NXPE4: variants seen among roughly 807,000 people sequenced by gnomAD.
NXPE4 encodes neurexophilin and PC-esterase domain family member 4, also known as NXPE family member 4.
Under a neutral mutation model 33.3 loss-of-function variants are expected in NXPE4, and 42 were observed. The ratio of observed to expected loss-of-function variants is 1.26; its 90% CI spans 0.98 to 1.63. NXPE4 has a LOEUF of 1.63. Among genes scored for constraint, NXPE4 ranks in the 40% most tolerant of loss-of-function variants. NXPE4 has a pLI of 0.00. For missense variants in NXPE4, 709 were observed against 647.6 expected (o/e 1.09, Z -1.03); for synonymous variants, 253 against 234.9 (o/e 1.08, Z -0.71).
chr11:114,656,335 G>A, the NXPE4 span, among the ~76,000 whole-genome samples: 14 of 152,188 alleles, frequency 9.2e-5, no homozygotes, highest in African/African-American at 3.1e-4. Flanking sequence ...AATCAATATC[G>A]TGAAAATGAC....
chr11:114,594,747 T>C lies in NXPE4; in HGVS notation c.13A>G (p.Met5Val). 10 of 1,550,872 alleles carry C rather than the reference T, an allele frequency of 6.4e-6. No homozygotes were observed. ...GCCAATAGTGACTTATAATTTATCA[T>C]ACTTATTTTCATGATTAGGATCCTA... MKIS[M>V]INYKSLLALL... The change falls in exon 2 of 6, where the codon ATG (methionine) becomes GTG (valine). Residue 5 changes from methionine (M) to valine (V), a missense_variant. Met to Val is a conservative substitution (Grantham distance 21, BLOSUM62 1). Coordinates refer to ENST00000375478, the MANE Select transcript of NXPE4 (RefSeq NM_001077639.2).
At chr11:114,605,279 G>T in the NXPE4 span, among the ~76,000 whole-genome samples, 1 of 151,284 alleles carries the variant, frequency 6.6e-6, no homozygotes, top group Non-Finnish European at 1.5e-5. Context: ...ACTGTTACCT[G>T]GTGGATAATA....
the NXPE4 span, among the ~76,000 whole-genome samples, chr11:114,677,239 T>G: frequency 6.6e-6 from 1 of 152,060 alleles, no homozygotes; most frequent in Admixed American, 6.6e-5. Context: ...CTTTATTGCA[T>G]ACTTGAAAAT....
At chr11:114,628,899 T>C in the NXPE4 span, among the ~76,000 whole-genome samples, 78,514 of 151,486 alleles carry the variant, frequency 0.52, 21,357 homozygotes, top group African/African-American at 0.65. Context: ...AACACCTCTA[T>C]GCAAATAAAC....
At chr11:114,603,596 T>G in the NXPE4 span, among the ~76,000 whole-genome samples, 1 of 151,490 alleles carries the variant, frequency 6.6e-6, no homozygotes, top group Admixed American at 6.6e-5. Flanking sequence ...TCCTATTACC[T>G]GGTGGATGAT....
intron 2 of NXPE4, among the ~76,000 whole-genome samples, chr11:114,590,740 T>C (rs923265455): frequency 2.0e-5 from 3 of 152,210 alleles, no homozygotes; most frequent in Non-Finnish European, 4.4e-5. Context: ...AGGTAAAGGA[T>C]GGCCAGCATG....
chr11:114,593,139 T>C (rs926135336), intron 2 of NXPE4, among the ~76,000 whole-genome samples: 8 of 151,804 alleles, frequency 5.3e-5, no homozygotes, highest in African/African-American at 1.9e-4. Context: ...GGATAAGACC[T>C]CAAATGCACA....
At chr11:114,577,094 TATAA>T (rs1260805278) in intron 5 of NXPE4, among the ~76,000 whole-genome samples, 8 of 141,330 alleles carry the variant, frequency 5.7e-5, no homozygotes, top group African/African-American at 2.1e-4. Flanking sequence ...TACATATATA[TATAA>T]AGTTATATAT....
rs368893520 is a variant in NXPE4, at chr11:114,594,652, A to G, written c.96+12T>C. ...AAGCTTCTGTAAACCACATAAATAA[A>G]GCATTTCCTACCTTTGTGGAGTTCT... On this transcript the variant is annotated intron_variant, in intron 2 of 5. Coordinates refer to ENST00000375478, the MANE Select transcript of NXPE4 (RefSeq NM_001077639.2). The G allele has an allele frequency of 6.5e-6, 10 of 1,547,588 alleles. No individual in the cohort carries two copies. The African/African-American group carries it at 1.2e-4, about 19-fold the overall frequency.
the NXPE4 span, among the ~76,000 whole-genome samples, chr11:114,645,947 C>G: frequency 1.3e-5 from 2 of 151,986 alleles, no homozygotes; most frequent in Non-Finnish European, 2.9e-5. Context: ...TTGGCAACAT[C>G]TAGTAAAATT....
chr11:114,649,589 T>C, the NXPE4 span, among the ~76,000 whole-genome samples: 1 of 152,090 alleles, frequency 6.6e-6, no homozygotes, highest in Non-Finnish European at 1.5e-5. Context: ...GTAAAAAACA[T>C]CTTGAGATGA....
At chr11:114,611,030 T>G in the NXPE4 span, among the ~76,000 whole-genome samples, 2 of 151,870 alleles carry the variant, frequency 1.3e-5, no homozygotes, top group Admixed American at 1.3e-4. Flanking sequence ...TCACAACTCT[T>G]ACTCTGTGGA....
At chr11:114,657,322 C>T in the NXPE4 span, among the ~76,000 whole-genome samples, 1 of 152,096 alleles carries the variant, frequency 6.6e-6, no homozygotes, top group Admixed American at 6.6e-5. Context: ...TTAGAGGAGT[C>T]TGTGAACTTA....
At chr11:114,581,142 A>T (rs552010207) in intron 4 of NXPE4, among the ~76,000 whole-genome samples, 4 of 152,314 alleles carry the variant, frequency 2.6e-5, no homozygotes, top group African/African-American at 9.6e-5. Flanking sequence ...TTTAATGCTG[A>T]ACTTGCAGAG....
chr11:114,601,271 A>C, the NXPE4 span, among the ~76,000 whole-genome samples: 10 of 150,046 alleles, frequency 6.7e-5, no homozygotes, highest in African/African-American at 2.5e-4. Flanking sequence ...AGTCTTCAAA[A>C]TCCATTATAC....
At chr11:114,608,596 G>A in the NXPE4 span, among the ~76,000 whole-genome samples, 1 of 151,672 alleles carries the variant, frequency 6.6e-6, no homozygotes, top group African/African-American at 2.4e-5. Flanking sequence ...AATAATTGTT[G>A]CCTCTAGGGT....
the NXPE4 span, among the ~76,000 whole-genome samples, chr11:114,621,025 T>G: frequency 6.6e-6 from 1 of 152,194 alleles, no homozygotes; most frequent in Admixed American, 6.5e-5. Context: ...GGTTGACCAC[T>G]GTTACGCAGT....
chr11:114,620,803 C>T, the NXPE4 span, among the ~76,000 whole-genome samples: 3 of 151,888 alleles, frequency 2.0e-5, no homozygotes, highest in Non-Finnish European at 4.4e-5. Context: ...AGTGTTGCCT[C>T]AGGGGAACCA....
chr11:114,638,833 T>C, the NXPE4 span, among the ~76,000 whole-genome samples: 1 of 151,836 alleles, frequency 6.6e-6, no homozygotes, highest in Admixed American at 6.6e-5. Context: ...AAGTTTTGTC[T>C]CAGTGGAGTA....
Sources: gnomAD v4.1 joint callset for allele counts (sites outside exome capture counted in the v4.1 genomes callset) on GRCh38, gnomAD v4.1.1 for gene constraint, MANE v1.5 for transcripts, NCBI Gene and HGNC (gene_info 2026-07-23, HGNC 2026-07-21) for gene names.